Variants in ANKS1B observed in about 807,000 individuals in gnomAD.
The protein encoded by ANKS1B is ankyrin repeat and sterile alpha motif domain containing 1B.
A neutral mutation model predicts 148.3 loss-of-function variants in ANKS1B; 36 were observed. That is an observed-to-expected ratio of 0.24 (90% confidence interval 0.19 to 0.32). ANKS1B has a LOEUF of 0.32. Among genes scored for constraint, ANKS1B ranks in the 10% least tolerant of loss-of-function variants. The pLI is 1.00. For synonymous variants in ANKS1B, 542 were observed against 560.8 expected, an observed-to-expected ratio of 0.97 and a Z score of 0.47; for missense variants, 1,157 against 1,542.6, an observed-to-expected ratio of 0.75 and a Z score of 4.19.
chr12:98,791,371 C>G (rs2098848753), intron 22 of ANKS1B, among the ~76,000 whole-genome samples: 1 of 151,678 alleles, frequency 6.6e-6, no homozygotes, highest in South Asian at 2.1e-4. Flanking sequence ...GGGAAAGGCA[C>G]ATGTGAGCAA....
chr12:99,599,637 T>G (rs1339695682), intron 9 of ANKS1B, among the ~76,000 whole-genome samples: 1 of 151,900 alleles, frequency 6.6e-6, no homozygotes, highest in African/African-American at 2.4e-5. Context: ...GGATGAAATA[T>G]AGAGAAAAGA....
At chr12:99,835,741 T>C (rs1487120833) in intron 1 of ANKS1B, among the ~76,000 whole-genome samples, 1 of 152,176 alleles carries the variant, frequency 6.6e-6, no homozygotes, top group Non-Finnish European at 1.5e-5. Flanking sequence ...CATTTCTATA[T>C]AATTATTCCA....
At chr12:99,101,430 T>C (rs1350843819) in intron 15 of ANKS1B, among the ~76,000 whole-genome samples, 1 of 152,050 alleles carries the variant, frequency 6.6e-6, no homozygotes, top group Non-Finnish European at 1.5e-5. Context: ...AACTTGATTA[T>C]TGATTAAATA....
intron 9 of ANKS1B, among the ~76,000 whole-genome samples, chr12:99,646,251 T>C (rs1014370463): frequency 2.6e-5 from 4 of 152,186 alleles, no homozygotes; most frequent in African/African-American, 9.7e-5. Flanking sequence ...AAAGTGCTAT[T>C]GATATGTGAA....
chr12:99,117,347 G>C (rs2061655472), intron 15 of ANKS1B, among the ~76,000 whole-genome samples: 2 of 152,102 alleles, frequency 1.3e-5, no homozygotes, highest in African/African-American at 4.8e-5. Context: ...GTCATAAATA[G>C]CTCTTATTAT....
intron 9 of ANKS1B, among the ~76,000 whole-genome samples, chr12:99,653,719 A>T (rs530994184): frequency 7.5e-6 from 1 of 132,926 alleles, no homozygotes; most frequent in South Asian, 2.2e-4. Flanking sequence ...TCACTCTATC[A>T]TAACCCAGGC....
chr12:99,774,837 C>T (rs1305457089), intron 7 of ANKS1B, among the ~76,000 whole-genome samples: 1 of 150,302 alleles, frequency 6.7e-6, no homozygotes, highest in Non-Finnish European at 1.5e-5. Context: ...AAAAGGAGAT[C>T]CTGCCATTTG....
chr12:99,154,600 A>G, intron 14 of ANKS1B: 1 of 1,473,818 alleles, frequency 6.8e-7, no homozygotes, highest in African/African-American at 1.4e-5. Context: ...CAGGCTGTGG[A>G]GTATGACTTG....
At chr12:99,346,999 C>T (rs1344257384) in intron 12 of ANKS1B, among the ~76,000 whole-genome samples, 1 of 151,982 alleles carries the variant, frequency 6.6e-6, no homozygotes, top group Non-Finnish European at 1.5e-5. Flanking sequence ...CTGAAGAAAG[C>T]ACCTTGTTCT....
At chr12:99,283,519 G>A (rs1602397797) in intron 12 of ANKS1B, among the ~76,000 whole-genome samples, 1 of 152,162 alleles carries the variant, frequency 6.6e-6, no homozygotes, top group East Asian at 1.9e-4. Flanking sequence ...GGAAAATGGA[G>A]GGAGGATGAG....
chr12:98,895,003 G>A (rs1242596616), intron 17 of ANKS1B: 2 of 819,602 alleles, frequency 2.4e-6, no homozygotes, highest in Non-Finnish European at 2.9e-6. Flanking sequence ...CGGCGGCGGC[G>A]GCGGCGCGTC....
At chr12:98,885,853 C>T (rs375239749) in intron 17 of ANKS1B, among the ~76,000 whole-genome samples, 15 of 152,204 alleles carry the variant, frequency 9.9e-5, no homozygotes, top group African/African-American at 2.9e-4. Context: ...AGCAATAAAA[C>T]ATAGCTCAAA....
Position 98,765,373 on chromosome 12 carries a change from C to T in ANKS1B, c.3579+7669G>A, listed in dbSNP as rs552045360. ...TCTGCCTCCTGGTTCAAGTGATTCT[C>T]ATGCCTCAGCCTCCCAAGTAGCTGG... On this transcript the variant is annotated intron_variant, in intron 25 of 26. Transcript: ENST00000683438. Among the ~76,000 whole-genome samples, 205 of 151,998 alleles carry T rather than the reference C, an allele frequency of 1.3e-3. 2 individuals are homozygous for T. The highest frequency in any genetic ancestry group is 4.7e-3 in the African/African-American group (195 of 41,454).
At chr12:99,439,689 C>G (rs573569197) in intron 11 of ANKS1B, among the ~76,000 whole-genome samples, 84 of 151,622 alleles carry the variant, frequency 5.5e-4, no homozygotes, top group Admixed American at 2.6e-3. Context: ...TCACACATTG[C>G]TACTGGTGAC....
At chr12:99,274,737 T>G (rs1484358272) in intron 12 of ANKS1B, among the ~76,000 whole-genome samples, 1 of 152,234 alleles carries the variant, frequency 6.6e-6, no homozygotes, top group Non-Finnish European at 1.5e-5. Flanking sequence ...TTCCAGGTAT[T>G]AAAATTTGTT....
chr12:99,349,263 A>G (rs1303589019), intron 12 of ANKS1B, among the ~76,000 whole-genome samples: 4 of 151,970 alleles, frequency 2.6e-5, no homozygotes, highest in Admixed American at 2.6e-4. Context: ...AATATGAAAG[A>G]CAATAATGGA....
intron 10 of ANKS1B, among the ~76,000 whole-genome samples, chr12:99,462,211 T>C (rs2095989610): frequency 6.6e-6 from 1 of 152,236 alleles, no homozygotes; most frequent in African/African-American, 2.4e-5. Context: ...CAGACAGTCT[T>C]CAGCTGTCAG....
chr12:99,924,126 C>A (rs1489470643), intron 1 of ANKS1B, among the ~76,000 whole-genome samples: 1 of 152,102 alleles, frequency 6.6e-6, no homozygotes, highest in Non-Finnish European at 1.5e-5. Flanking sequence ...CTAACACAAG[C>A]AGGTACTTAA....
intron 1 of ANKS1B, among the ~76,000 whole-genome samples, chr12:99,843,385 T>C: frequency 6.6e-6 from 1 of 152,054 alleles, no homozygotes; most frequent in East Asian, 1.9e-4. Context: ...CATTAGCTAT[T>C]CTTCTTGATG....
Sources: allele counts gnomAD v4.1 joint callset (sites outside exome capture counted in the v4.1 genomes callset), GRCh38; gene constraint gnomAD v4.1.1; transcripts MANE v1.5; gene names NCBI Gene and HGNC (gene_info 2026-07-23, HGNC 2026-07-21).